The following ME1 variants were observed in gnomAD, a reference collection of about 807,000 sequenced individuals.
ME1 encodes the protein NADP-dependent malic enzyme.
In ME1, 74 loss-of-function variants were observed where a neutral mutation model predicts 66.4. The observed-to-expected ratio is 1.11, with a 90% CI of 0.92 to 1.35. The LOEUF (loss-of-function observed/expected upper bound fraction) is 1.35, where lower values mean the gene tolerates loss of function less well. Ranked by LOEUF, ME1 falls within the 40% of genes most tolerant of loss-of-function variation. The pLI, the probability that ME1 is intolerant of heterozygous loss-of-function variation, is 0.00. For synonymous variants in ME1, 251 were observed against 235.6 expected, an observed-to-expected ratio of 1.07 and a Z score of -0.60; for missense variants, 750 against 694.1, an observed-to-expected ratio of 1.08 and a Z score of -0.90.
At chr6:83,227,133 T>C (rs72907953) in intron 11 of ME1, among the ~76,000 whole-genome samples, 2 of 152,304 alleles carry the variant, frequency 1.3e-5, no homozygotes, top group African/African-American at 2.4e-5. Flanking sequence ...CATTAAAATA[T>C]GTATTTTATT....
At chr6:83,235,063 TTTTGTATATAGGAAATTTAAGA>T (rs1436841358) in intron 9 of ME1, among the ~76,000 whole-genome samples, 2 of 152,120 alleles carry the variant, frequency 1.3e-5, no homozygotes, top group Non-Finnish European at 2.9e-5. Flanking sequence ...TTTGTTTCAG[TTTTGTATATAGGAAATTTAAGA>T]TATCCATGGA....
chr6:83,289,059 T>C (rs1460581354), intron 6 of ME1, among the ~76,000 whole-genome samples: 2 of 152,208 alleles, frequency 1.3e-5, no homozygotes, highest in South Asian at 2.1e-4. Context: ...GCTGAGATGA[T>C]GGGGTTTTCT....
intron 6 of ME1, among the ~76,000 whole-genome samples, chr6:83,296,366 T>G (rs1767598779): frequency 6.6e-6 from 1 of 152,216 alleles, no homozygotes; most frequent in Non-Finnish European, 1.5e-5. Flanking sequence ...TGGTTCAACA[T>G]GCACACATCA....
intron 5 of ME1, among the ~76,000 whole-genome samples, chr6:83,321,493 G>GAGTAGGC (rs1286936140): frequency 6.6e-6 from 1 of 152,028 alleles, no homozygotes; most frequent in Non-Finnish European, 1.5e-5. Flanking sequence ...ACTGAGGCTC[G>GAGTAGGC]AGTAGGCAGT....
Position 83,253,700 on chromosome 6 carries a change from G to A in ME1, c.743C>T (p.Ala248Val). ...CAGGAGACGAAATGCATTCACATTGGCAAAATCTTCAAACTGAATAAGGCA... is the reference window on the plus strand; with the variant it reads ...CAGGAGACGAAATGCATTCACATTGACAAAATCTTCAAACTGAATAAGGCA... Reference protein sequence around the residue: ...MNCLIQFEDFANVNAFRLLNK... With the variant: ...MNCLIQFEDFVNVNAFRLLNK... Residue 248 changes from alanine to valine, a missense_variant, in exon 7 of 14, where the codon GCC becomes GTC. By Grantham distance (64) the Ala-to-Val change is moderately conservative. Transcript: ENST00000369705. The A allele has an allele frequency of 6.2e-7, 1 of 1,609,476 alleles. No individual in the cohort carries two copies. Among genetic ancestry groups the A allele is most frequent in the South Asian group, 1.1e-5 (1 of 90,758 alleles).
intron 3 of ME1, chr6:83,392,908 A>G (rs1291191286): frequency 1.2e-6 from 1 of 805,494 alleles, no homozygotes; most frequent in Non-Finnish European, 2.2e-6. Context: ...AAGGTCATCC[A>G]TGACAACTTT....
chr6:83,359,739 C>G (rs895203715), intron 3 of ME1, among the ~76,000 whole-genome samples: 1 of 152,158 alleles, frequency 6.6e-6, no homozygotes, highest in African/African-American at 2.4e-5. Flanking sequence ...AAGATATACC[C>G]TTGACCAATG....
chr6:83,213,332 G>A (rs2128522106), intron 13 of ME1, among the ~76,000 whole-genome samples: 1 of 150,992 alleles, frequency 6.6e-6, no homozygotes, highest in East Asian at 2.0e-4. Flanking sequence ...GCTGAGGCAA[G>A]AGAATCACTT....
At chr6:83,378,675 C>CTT (rs759346424) in intron 3 of ME1, among the ~76,000 whole-genome samples, 5 of 137,678 alleles carry the variant, frequency 3.6e-5, no homozygotes, top group Non-Finnish European at 4.8e-5. Context: ...CTTTCTTCCT[C>CTT]TTTTTTTTTT....
At chr6:83,385,680 A>G (rs1236569537) in intron 3 of ME1, among the ~76,000 whole-genome samples, 1 of 151,788 alleles carries the variant, frequency 6.6e-6, no homozygotes. Flanking sequence ...ACATGTCTAC[A>G]TTTTTTCCAT....
intron 3 of ME1, among the ~76,000 whole-genome samples, chr6:83,357,866 C>A (rs1231794580): frequency 2.2e-5 from 3 of 138,462 alleles, no homozygotes; most frequent in Non-Finnish European, 4.6e-5. Flanking sequence ...TATTGTGAGA[C>A]CTTGTGATCA....
At chr6:83,342,828 A>G (rs1347456721) in intron 5 of ME1, among the ~76,000 whole-genome samples, 1 of 152,118 alleles carries the variant, frequency 6.6e-6, no homozygotes, top group African/African-American at 2.4e-5. Context: ...CTGGGATTAC[A>G]GGCATGTGCC....
intron 1 of ME1, among the ~76,000 whole-genome samples, chr6:83,416,443 C>T (rs1465650193): frequency 2.0e-5 from 3 of 152,202 alleles, no homozygotes; most frequent in African/African-American, 7.2e-5. Context: ...AGCCCCCTAT[C>T]AGAGGCTTTT....
intron 3 of ME1, among the ~76,000 whole-genome samples, chr6:83,362,853 C>T (rs760338651): frequency 8.5e-5 from 13 of 152,324 alleles, no homozygotes; most frequent in Middle Eastern, 3.4e-3. Flanking sequence ...CTAACAAAGG[C>T]ACTCACTTTA....
chr6:83,360,612 G>C (rs1768990912), intron 3 of ME1, among the ~76,000 whole-genome samples: 1 of 152,184 alleles, frequency 6.6e-6, no homozygotes, highest in Non-Finnish European at 1.5e-5. Context: ...GAAACCATTA[G>C]AGCTGCCTCT....
At chr6:83,420,483 A>G (rs1295854351) in intron 1 of ME1, among the ~76,000 whole-genome samples, 1 of 152,232 alleles carries the variant, frequency 6.6e-6, no homozygotes, top group Admixed American at 6.5e-5. Context: ...CCCACAGAAC[A>G]GTTTATCTTA....
intron 5 of ME1, among the ~76,000 whole-genome samples, chr6:83,345,118 G>T (rs2128543660): frequency 6.6e-6 from 1 of 152,116 alleles, no homozygotes; most frequent in South Asian, 2.1e-4. Flanking sequence ...CTACCTTCTA[G>T]CCTCCTGAGT....
chr6:83,216,406 A>C, intron 13 of ME1, 92 bp downstream of exon 13: 1 of 911,254 alleles, frequency 1.1e-6, no homozygotes. Context: ...ACAGATATAC[A>C]TTTCAAGGAA....
intron 3 of ME1, among the ~76,000 whole-genome samples, chr6:83,390,438 G>A (rs1487361047): frequency 6.6e-6 from 1 of 152,082 alleles, no homozygotes; most frequent in Non-Finnish European, 1.5e-5. Flanking sequence ...TCATCTATAT[G>A]CTAATGGAAG....
Sources: gnomAD v4.1 joint callset for allele counts (sites outside exome capture counted in the v4.1 genomes callset) on GRCh38, gnomAD v4.1.1 for gene constraint, MANE v1.5 for transcripts, NCBI Gene and HGNC (gene_info 2026-07-23, HGNC 2026-07-21) for gene names.